The following FSTL4 variants were observed in gnomAD, a reference collection of about 807,000 sequenced individuals.
The protein encoded by FSTL4 is follistatin like 4, also known as follistatin-related protein 4.
FSTL4 carries 28 observed loss-of-function variants against 78.2 expected under a neutral mutation model. That is an observed-to-expected ratio of 0.36 (90% CI 0.27 to 0.49). The LOEUF is 0.49. FSTL4 is among the 20% of genes least tolerant of loss of function. The probability of loss-of-function intolerance (pLI) is 0.98; values close to 1 mark genes in which losing one functional copy is unlikely to be tolerated. For synonymous variants in FSTL4, 422 were observed against 440.5 expected (o/e 0.96, Z 0.53); for missense variants, 922 against 1,084.9 (o/e 0.85, Z 2.11).
chr5:133,508,879 G>A (rs1224809748), intron 3 of FSTL4, among the ~76,000 whole-genome samples: 3 of 152,018 alleles, frequency 2.0e-5, no homozygotes, highest in African/African-American at 7.2e-5. Context: ...TGTCTTGTTG[G>A]GCCTTTCATC....
the FSTL4 span, among the ~76,000 whole-genome samples, chr5:133,801,626 G>A: frequency 5.9e-5 from 9 of 152,356 alleles, no homozygotes; most frequent in Admixed American, 2.6e-4. Context: ...TAACCACAGC[G>A]GTGTCCCCGC....
the FSTL4 span, among the ~76,000 whole-genome samples, chr5:133,807,946 G>A: frequency 0.016 from 2,493 of 152,168 alleles, 78 homozygotes; most frequent in African/African-American, 0.056. Context: ...AGCTTCCCAG[G>A]CACTCGGACA....
intron 6 of FSTL4, among the ~76,000 whole-genome samples, chr5:133,269,184 CAAAAAAAAAA>C (rs869156118): frequency 3.4e-5 from 2 of 58,990 alleles, no homozygotes; most frequent in Admixed American, 1.8e-4. Context: ...GACTCCATCT[CAAAAAAAAAA>C]AAAAAAAAAA....
chr5:133,754,779 G>A, the FSTL4 span, among the ~76,000 whole-genome samples: 8 of 152,136 alleles, frequency 5.3e-5, no homozygotes, highest in Admixed American at 2.0e-4. Flanking sequence ...GAGCTCAGAC[G>A]TGTGAAGACA....
chr5:133,752,445 C>T, the FSTL4 span, among the ~76,000 whole-genome samples: 5 of 151,952 alleles, frequency 3.3e-5, no homozygotes, highest in East Asian at 9.7e-4. Flanking sequence ...GGTGAAACCC[C>T]GTCTCTACTA....
chr5:133,703,633 C>G, the FSTL4 span, among the ~76,000 whole-genome samples: 23 of 152,322 alleles, frequency 1.5e-4, no homozygotes, highest in Middle Eastern at 0.017. Context: ...AGGAAACTTC[C>G]AGAGAGGAAA....
At position 133,419,390 on chromosome 5, in the gene FSTL4, C is replaced by T. The variant is rs549042751; in HGVS notation, c.161-18404G>A. Among the ~76,000 whole-genome samples the T allele has an allele frequency of 4.6e-5, 7 of 152,300 alleles. No homozygotes were observed. In the South Asian group the frequency reaches 1.5e-3, roughly 32 times the overall value. On this transcript the variant is annotated intron_variant, in intron 3 of 15. Transcript: ENST00000265342. ...GCCTTGGCCTCCCAAAATGCTGGGACTACAGGCGTGAGCCACCACACCCAG... is the reference window on the plus strand; with the variant it reads ...GCCTTGGCCTCCCAAAATGCTGGGATTACAGGCGTGAGCCACCACACCCAG...
intron 6 of FSTL4, chr5:133,266,556 C>T (rs1752646123): frequency 6.6e-6 from 1 of 152,288 alleles, no homozygotes. Context: ...TGCTGTGGAG[C>T]AAATCGCTGC....
chr5:133,718,284 T>C, the FSTL4 span, among the ~76,000 whole-genome samples: 6 of 152,272 alleles, frequency 3.9e-5, no homozygotes, highest in South Asian at 1.0e-3. Flanking sequence ...TTTCACTATG[T>C]TGGCCAGGGT....
chr5:133,312,954 G>A (rs1157066792), intron 5 of FSTL4, among the ~76,000 whole-genome samples, 177 bp from the exon 6 acceptor site: 3 of 152,150 alleles, frequency 2.0e-5, no homozygotes, highest in Admixed American at 2.0e-4. Context: ...GAGAAAACTG[G>A]GGTTCAGAGA....
At chr5:133,263,329 C>A (rs1224511706) in intron 6 of FSTL4, among the ~76,000 whole-genome samples, 1 of 152,110 alleles carries the variant, frequency 6.6e-6, no homozygotes, top group Non-Finnish European at 1.5e-5. Context: ...CTTAGAAACA[C>A]AGGATCACAT....
chr5:133,537,515 C>T (rs1475355601), intron 3 of FSTL4, among the ~76,000 whole-genome samples: 1 of 152,146 alleles, frequency 6.6e-6, no homozygotes, highest in African/African-American at 2.4e-5. Context: ...GGCTTTTCTA[C>T]ACAACCATAT....
intron 3 of FSTL4, among the ~76,000 whole-genome samples, chr5:133,555,900 A>C (rs999094340): frequency 5.9e-5 from 9 of 152,214 alleles, no homozygotes; most frequent in Non-Finnish European, 1.3e-4. Flanking sequence ...ATAACTGCTA[A>C]AATTAGTAAA....
chr5:133,339,649 A>C (rs1754542240), intron 4 of FSTL4, among the ~76,000 whole-genome samples: 1 of 152,320 alleles, frequency 6.6e-6, no homozygotes, highest in East Asian at 1.9e-4. Flanking sequence ...TGAGACATGC[A>C]TGGCCTCTAA....
chr5:133,204,405 A>AAAT (rs1750426790), intron 14 of FSTL4, among the ~76,000 whole-genome samples: 1 of 152,226 alleles, frequency 6.6e-6, no homozygotes, highest in South Asian at 2.1e-4. Flanking sequence ...AATCTCTTGC[A>AAAT]AATACAAACA....
chr5:133,620,746 G>C, the FSTL4 span, among the ~76,000 whole-genome samples: 1 of 152,176 alleles, frequency 6.6e-6, no homozygotes, highest in Non-Finnish European at 1.5e-5. Flanking sequence ...GTGTGTGCTT[G>C]CTTGTTACAT....
chr5:133,389,582 T>C (rs1411560451), intron 4 of FSTL4, among the ~76,000 whole-genome samples: 1 of 152,224 alleles, frequency 6.6e-6, no homozygotes, highest in East Asian at 1.9e-4. Context: ...TCTTCTTTTG[T>C]AGCTTTATAA....
intron 1 of FSTL4, among the ~76,000 whole-genome samples, chr5:133,607,964 C>T (rs1212968294): frequency 6.6e-6 from 1 of 152,106 alleles, no homozygotes; most frequent in East Asian, 1.9e-4. Flanking sequence ...AATCCCAGGC[C>T]GATGCCCCTC....
chr5:133,250,059 T>C (rs1318620076), intron 6 of FSTL4, among the ~76,000 whole-genome samples: 1 of 152,264 alleles, frequency 6.6e-6, no homozygotes, highest in Non-Finnish European at 1.5e-5. Context: ...GTCTGGGGAA[T>C]GAACTGGCTG....
Sources: gnomAD v4.1 joint callset for allele counts (sites outside exome capture counted in the v4.1 genomes callset) on GRCh38, gnomAD v4.1.1 for gene constraint, MANE v1.5 for transcripts, NCBI Gene and HGNC (gene_info 2026-07-23, HGNC 2026-07-21) for gene names.